MAPK8: variants seen among roughly 807,000 people sequenced by gnomAD.
MAPK8 encodes the protein JUN N-terminal kinase.
MAPK8 carries 13 observed loss-of-function variants against 52.9 expected under a neutral mutation model. The observed-to-expected ratio is 0.25, with a 90% CI of 0.16 to 0.39. MAPK8 has a LOEUF of 0.39. MAPK8 is among the 10% of genes least tolerant of loss of function. The pLI, the probability that MAPK8 is intolerant of heterozygous loss-of-function variation, is 1.00. For missense variants in MAPK8, 300 were observed against 519.2 expected, an observed-to-expected ratio of 0.58 and a Z score of 4.10; for synonymous variants, 191 against 169.8, an observed-to-expected ratio of 1.12 and a Z score of -0.97.
At chr10:48,429,990 T>G (rs1468622884) in intron 10 of MAPK8, 1 of 152,254 alleles carries the variant, frequency 6.6e-6, no homozygotes, top group East Asian at 1.9e-4. Context: ...AGTGTTGATG[T>G]GGCATCCACC....
chr10:48,412,839 G>T (rs146595969), intron 5 of MAPK8, among the ~76,000 whole-genome samples: 2,558 of 152,128 alleles, frequency 0.017, 28 homozygotes, highest in South Asian at 0.028. Context: ...CTACAGTTCT[G>T]TGGCATTAAA....
At chr10:48,357,241 A>G (rs1461337517) in intron 1 of MAPK8, among the ~76,000 whole-genome samples, 1 of 152,190 alleles carries the variant, frequency 6.6e-6, no homozygotes, top group African/African-American at 2.4e-5. Flanking sequence ...CATCTGTAAC[A>G]TCTGTAGTCA....
intron 1 of MAPK8, among the ~76,000 whole-genome samples, chr10:48,363,118 A>C (rs1227558602): frequency 6.6e-6 from 1 of 151,994 alleles, no homozygotes; most frequent in East Asian, 1.9e-4. Flanking sequence ...CCTGAACATA[A>C]TGCACTGCAG....
chr10:48,341,404 T>C (rs1351248223), intron 1 of MAPK8, among the ~76,000 whole-genome samples: 2 of 152,218 alleles, frequency 1.3e-5, no homozygotes, highest in African/African-American at 2.4e-5. Context: ...ACTTTTTGAA[T>C]GCCAGCATGA....
intron 1 of MAPK8, among the ~76,000 whole-genome samples, chr10:48,394,899 G>A (rs935817074): frequency 6.6e-6 from 1 of 151,792 alleles, no homozygotes; most frequent in African/African-American, 2.4e-5. Flanking sequence ...CTAGTAATGG[G>A]TAATTGGAAA....
chr10:48,374,650 A>G (rs1404889561), intron 1 of MAPK8, among the ~76,000 whole-genome samples: 3 of 152,204 alleles, frequency 2.0e-5, no homozygotes, highest in Non-Finnish European at 4.4e-5. Flanking sequence ...GAAATGGAGA[A>G]ATTCCTGAAC....
chr10:48,420,568 G>A (rs1251139445), intron 6 of MAPK8, among the ~76,000 whole-genome samples: 1 of 152,094 alleles, frequency 6.6e-6, no homozygotes, highest in Non-Finnish European at 1.5e-5. Flanking sequence ...ATTTGTTGCC[G>A]TGGCCCTGAG....
At chr10:48,363,068 G>T (rs966663626) in intron 1 of MAPK8, among the ~76,000 whole-genome samples, 1 of 151,700 alleles carries the variant, frequency 6.6e-6, no homozygotes, top group Non-Finnish European at 1.5e-5. Flanking sequence ...ATGGGGCCTC[G>T]CTGTGTTGCC....
chr10:48,435,003 G>C lies in MAPK8; in HGVS notation c.1258G>C (p.Ala420Pro), dbSNP rs1011736095. ...TACAGACAGCAGTCTAGAAGCAGCA[G>C]CTGGGCCTCTGGGCTGCTGTAGATG... ...SDTDSSLEAA[A>P]GPLGCCR The change falls in exon 12 of 12, where the codon GCT becomes CCT. Residue 420 changes from alanine (A) to proline (P), a missense_variant. Transcript: ENST00000374189. 1.2e-6 allele frequency: 2 copies of C among 1,609,626 alleles called. No individual in the cohort carries two copies. Among genetic ancestry groups the C allele is most frequent in the African/African-American group, 1.3e-5 (1 of 74,364 alleles).
At chr10:48,415,482 C>T (rs930315527) in intron 5 of MAPK8, among the ~76,000 whole-genome samples, 4 of 152,268 alleles carry the variant, frequency 2.6e-5, no homozygotes, top group Admixed American at 6.5e-5. Flanking sequence ...ATATGTTAAT[C>T]GGATTAGTTC....
At chr10:48,328,222 T>C (rs1435249328) in intron 1 of MAPK8, among the ~76,000 whole-genome samples, 1 of 152,202 alleles carries the variant, frequency 6.6e-6, no homozygotes, top group Non-Finnish European at 1.5e-5. Context: ...TTTCACCATG[T>C]TGGCCAGGGT....
intron 1 of MAPK8, among the ~76,000 whole-genome samples, chr10:48,353,666 G>A (rs1279575871): frequency 6.6e-6 from 1 of 152,192 alleles, no homozygotes; most frequent in Admixed American, 6.5e-5. Context: ...TGATTCATTT[G>A]TATCATGGAA....
At chr10:48,351,411 A>C (rs1401608098) in intron 1 of MAPK8, among the ~76,000 whole-genome samples, 2 of 150,818 alleles carry the variant, frequency 1.3e-5, no homozygotes, top group African/African-American at 4.9e-5. Flanking sequence ...AGGTCTCGCT[A>C]TGGTGCCCAG....
intron 1 of MAPK8, among the ~76,000 whole-genome samples, chr10:48,323,621 G>C (rs1564480127): frequency 1.3e-5 from 2 of 152,118 alleles, no homozygotes; most frequent in African/African-American, 4.8e-5. Flanking sequence ...AAGAGTTTTT[G>C]TTTTTGATTC....
At chr10:48,422,547 G>A (rs1185293928) in intron 6 of MAPK8, among the ~76,000 whole-genome samples, 2 of 152,036 alleles carry the variant, frequency 1.3e-5, no homozygotes, top group Non-Finnish European at 2.9e-5. Flanking sequence ...AAATACTTTT[G>A]TTTAAAAATG....
chr10:48,366,878 T>TA (rs905839173), intron 1 of MAPK8, among the ~76,000 whole-genome samples: 145 of 147,328 alleles, frequency 9.8e-4, no homozygotes, highest in Non-Finnish European at 1.5e-3. Flanking sequence ...AGCTGGCTTT[T>TA]AAAAAAAAAA....
intron 1 of MAPK8, among the ~76,000 whole-genome samples, chr10:48,309,665 A>G (rs1841779730): frequency 6.6e-6 from 1 of 152,228 alleles, no homozygotes; most frequent in African/African-American, 2.4e-5. Context: ...GTCCCCAACT[A>G]TCCTAGTGCT....
chr10:48,309,930 A>G (rs1470951136), intron 1 of MAPK8, among the ~76,000 whole-genome samples: 2 of 152,220 alleles, frequency 1.3e-5, no homozygotes, highest in African/African-American at 4.8e-5. Context: ...TCATTTGCCT[A>G]TGTCAGTGAA....
chr10:48,322,628 C>T (rs184171465), intron 1 of MAPK8, among the ~76,000 whole-genome samples: 8 of 152,280 alleles, frequency 5.3e-5, no homozygotes, highest in Admixed American at 5.2e-4. Context: ...TTATCAGCCC[C>T]ACATGCCCCC....
Sources: allele counts gnomAD v4.1 joint callset (sites outside exome capture counted in the v4.1 genomes callset), GRCh38; gene constraint gnomAD v4.1.1; transcripts MANE v1.5; gene names NCBI Gene and HGNC (gene_info 2026-07-23, HGNC 2026-07-21).